Variants in HSD17B4 observed in about 807,000 individuals in gnomAD.
HSD17B4 encodes the protein peroxisomal multifunctional enzyme type 2.
A neutral mutation model predicts 101.0 loss-of-function variants in HSD17B4; 70 were observed. That is an observed-to-expected ratio of 0.69 (90% CI 0.57 to 0.85). HSD17B4 has a LOEUF of 0.85. HSD17B4 is among the 40% of genes least tolerant of loss of function. The pLI, the probability that HSD17B4 is intolerant of heterozygous loss-of-function variation, is 0.00. For missense variants in HSD17B4, 984 were observed against 892.4 expected (o/e 1.10, Z -1.31); for synonymous variants, 347 against 297.1 (o/e 1.17, Z -1.73).
intron 15 of HSD17B4, 121 bp downstream of exon 15, chr5:119,507,010 C>A: frequency 8.7e-6 from 5 of 577,718 alleles, no homozygotes; most frequent in Non-Finnish European, 1.6e-5. Context: ...TGTTAGAAAA[C>A]AAGATAAGCA....
chr5:119,527,237 T>A lies in HSD17B4; in HGVS notation c.1767+18T>A. Reference sequence around the variant, plus strand: ...AAACCAAGGTATGAATTTTGCTTTTTCACCCTTCTCACATGCTTTATCATT... The same window carrying A: ...AAACCAAGGTATGAATTTTGCTTTTACACCCTTCTCACATGCTTTATCATT... On this transcript the variant is annotated intron_variant, in intron 20 of 23. Coordinates refer to ENST00000510025, the MANE Select transcript of HSD17B4 (RefSeq NM_000414.4). 1 of 1,332,066 alleles carries A rather than the reference T, an allele frequency of 7.5e-7. No homozygotes were observed. Among genetic ancestry groups the A allele is most frequent in the East Asian group, 2.3e-5 (1 of 43,388 alleles). 82.5% of individuals were successfully genotyped at this position (1,332,066 alleles called of 1,614,324 possible). A position where few individuals can be genotyped will look rare whatever the true frequency, so the allele number is the denominator to read the frequency against.
intron 12 of HSD17B4, among the ~76,000 whole-genome samples, chr5:119,497,210 G>GA (rs527318673): frequency 2.8e-4 from 8 of 28,876 alleles, no homozygotes; most frequent in Admixed American, 1.5e-3. Flanking sequence ...AGGCTCCATT[G>GA]GGGGGTGTGA....
chr5:119,459,797 T>C (rs1193170174), intron 2 of HSD17B4, among the ~76,000 whole-genome samples: 1 of 152,140 alleles, frequency 6.6e-6, no homozygotes, highest in Non-Finnish European at 1.5e-5. Flanking sequence ...ATTAATCTAT[T>C]AGTCCATGAA....
intron 4 of HSD17B4, 74 bp from the exon 5 acceptor site, chr5:119,475,632 G>A (rs1580551763): frequency 5.0e-6 from 6 of 1,200,262 alleles, no homozygotes; most frequent in Middle Eastern, 2.8e-4. Flanking sequence ...AGTTTTGAGA[G>A]AAATGTGAGT....
intron 13 of HSD17B4, among the ~76,000 whole-genome samples, chr5:119,500,462 A>G (rs1391198090): frequency 6.6e-6 from 1 of 152,136 alleles, no homozygotes; most frequent in Non-Finnish European, 1.5e-5. Context: ...ATTTATACAT[A>G]CACATTTATT....
intron 17 of HSD17B4, among the ~76,000 whole-genome samples, chr5:119,518,345 C>T (rs769248143): frequency 4.6e-5 from 7 of 152,132 alleles, no homozygotes; most frequent in Non-Finnish European, 1.0e-4. Flanking sequence ...AAACTCCAAA[C>T]ATCAGAAGGA....
At chr5:119,481,910 ATT>A (rs147530045) in intron 8 of HSD17B4, among the ~76,000 whole-genome samples, 1 of 151,830 alleles carries the variant, frequency 6.6e-6, no homozygotes, top group Non-Finnish European at 1.5e-5. Flanking sequence ...TAGGTAAGGC[ATT>A]TTTTTTCCCC....
chr5:119,525,187 T>A, intron 17 of HSD17B4, 29 bp from the exon 18 acceptor site: 1 of 1,520,076 alleles, frequency 6.6e-7, no homozygotes, highest in Non-Finnish European at 9.1e-7. Flanking sequence ...AAACACTGAG[T>A]TCTAGTTATG....
At chr5:119,487,629 G>A (rs1179162783) in intron 8 of HSD17B4, among the ~76,000 whole-genome samples, 3 of 151,934 alleles carry the variant, frequency 2.0e-5, no homozygotes, top group African/African-American at 4.8e-5. Context: ...GTATTTTTTT[G>A]TATGTGGCTT....
rs574225535 is a variant in HSD17B4, at chr5:119,513,452, C to T, written c.1438-1529C>T. 2.3e-3 allele frequency among the ~76,000 whole-genome samples: 357 copies of T among 152,218 alleles called. 2 individuals are homozygous for T. The highest frequency in any genetic ancestry group is 8.4e-3 in the African/African-American group (347 of 41,516). ...AGCCTGGAGTGCAGTGGTGCAATCT[C>T]AGCTCACTGCAGCCTCTGCCTCCCA... On this transcript the variant is annotated intron_variant, in intron 16 of 23. Transcript: ENST00000510025.
chr5:119,532,210 A>C (rs1754173976), intron 22 of HSD17B4, among the ~76,000 whole-genome samples: 1 of 152,122 alleles, frequency 6.6e-6, no homozygotes. Flanking sequence ...AATGGATAGG[A>C]GGTAGAGCAG....
chr5:119,470,252 A>G (rs1756231319), intron 2 of HSD17B4, among the ~76,000 whole-genome samples: 1 of 151,268 alleles, frequency 6.6e-6, no homozygotes, highest in African/African-American at 2.4e-5. Flanking sequence ...TCATAGTGGT[A>G]CCACTGAAAC....
At chr5:119,472,316 T>C (rs1440784724) in intron 2 of HSD17B4, 1 of 152,276 alleles carries the variant, frequency 6.6e-6, no homozygotes, top group Non-Finnish European at 1.5e-5. Context: ...AACTTTTTTA[T>C]TGTGGTAAGA....
At chr5:119,454,462 C>T (rs1040872338) in intron 1 of HSD17B4, among the ~76,000 whole-genome samples, 9 of 151,962 alleles carry the variant, frequency 5.9e-5, no homozygotes, top group Admixed American at 2.0e-4. Flanking sequence ...TGTGCCACCA[C>T]GCCCAGCTAA....
At chr5:119,508,282 T>G (rs1239482209) in intron 15 of HSD17B4, among the ~76,000 whole-genome samples, 1 of 152,178 alleles carries the variant, frequency 6.6e-6, no homozygotes, top group African/African-American at 2.4e-5. Flanking sequence ...TGTTCTCTCT[T>G]GATCTGCTCC....
At chr5:119,480,128 T>C (rs1157747071) in intron 8 of HSD17B4, among the ~76,000 whole-genome samples, 3 of 152,202 alleles carry the variant, frequency 2.0e-5, no homozygotes, top group African/African-American at 7.2e-5. Flanking sequence ...ATTTGGCATT[T>C]ATTTGTCTTT....
At chr5:119,513,862 C>T (rs1307485151) in intron 16 of HSD17B4, among the ~76,000 whole-genome samples, 3 of 152,036 alleles carry the variant, frequency 2.0e-5, no homozygotes, top group Non-Finnish European at 4.4e-5. Context: ...TCTTAAATGC[C>T]CTTTGTATAC....
chr5:119,458,344 A>G (rs937763024), intron 2 of HSD17B4, among the ~76,000 whole-genome samples: 16 of 150,512 alleles, frequency 1.1e-4, no homozygotes, highest in Non-Finnish European at 1.9e-4. Flanking sequence ...CACACACACT[A>G]ATTTTTTTTT....
At chr5:119,472,488 C>A (rs1263063238) in intron 2 of HSD17B4, 2 of 151,768 alleles carry the variant, frequency 1.3e-5, no homozygotes, top group Non-Finnish European at 2.9e-5. Flanking sequence ...GGCTGGAGTG[C>A]AGTGGCACGA....
Sources: gnomAD v4.1 joint callset for allele counts (sites outside exome capture counted in the v4.1 genomes callset) on GRCh38, gnomAD v4.1.1 for gene constraint, MANE v1.5 for transcripts, NCBI Gene and HGNC (gene_info 2026-07-23, HGNC 2026-07-21) for gene names.